The following RXFP1 variants were observed in gnomAD, a reference collection of about 807,000 sequenced individuals.
RXFP1 encodes relaxin receptor 1.
A neutral mutation model predicts 89.8 loss-of-function variants in RXFP1; 73 were observed. The ratio of observed to expected loss-of-function variants is 0.81; its 90% CI spans 0.67 to 0.99. The LOEUF (loss-of-function observed/expected upper bound fraction) is 0.99, where lower values mean the gene tolerates loss of function less well. Among genes scored for constraint, RXFP1 ranks in the 50% least tolerant of loss-of-function variants. RXFP1 has a pLI of 0.00. For missense variants in RXFP1, 793 were observed against 895.5 expected (o/e 0.89, Z 1.46); for synonymous variants, 277 against 305.5 (o/e 0.91, Z 0.97).
Position 158,551,355 on chromosome 4 carries a change from C to G in RXFP1, c.50-21343C>G, listed in dbSNP as rs1750067999. On this transcript the variant is annotated intron_variant, in intron 1 of 17. Coordinates refer to ENST00000307765, the MANE Select transcript of RXFP1 (RefSeq NM_021634.4). Reference sequence around the variant, plus strand: ...GCCAAAAAATGTGAGGTTTCTTACACTTCTCTTTGTTGAAGGACCAAGCAA... The same window carrying G: ...GCCAAAAAATGTGAGGTTTCTTACAGTTCTCTTTGTTGAAGGACCAAGCAA... Among the ~76,000 whole-genome samples the G allele has an allele frequency of 2.0e-5, 3 of 152,132 alleles. No individual in the cohort carries two copies. In the East Asian group the frequency reaches 5.8e-4, roughly 29 times the overall value.
chr4:158,572,000 C>T (rs1701703105), intron 1 of RXFP1, among the ~76,000 whole-genome samples: 2 of 152,092 alleles, frequency 1.3e-5, no homozygotes, highest in African/African-American at 4.8e-5. Context: ...GGTGGGAGGG[C>T]CAGTCTTTTA....
intron 4 of RXFP1, 111 bp downstream of exon 4, chr4:158,599,542 C>G: frequency 1.1e-6 from 1 of 881,456 alleles, no homozygotes; most frequent in Non-Finnish European, 1.7e-6. Context: ...AAGATGATGT[C>G]ATTTTTCCTG....
chr4:158,546,085 T>C (rs1247674371), intron 1 of RXFP1, among the ~76,000 whole-genome samples: 1 of 152,192 alleles, frequency 6.6e-6, no homozygotes, highest in African/African-American at 2.4e-5. Flanking sequence ...TCCATGAGCA[T>C]GGAATGTTCT....
intron 1 of RXFP1, among the ~76,000 whole-genome samples, chr4:158,549,712 C>G (rs1749568732): frequency 6.6e-6 from 1 of 152,168 alleles, no homozygotes; most frequent in Non-Finnish European, 1.5e-5. Flanking sequence ...TGCTAGAGGT[C>G]CACTCCAGAC....
At chr4:158,649,445 T>C (rs909321756) in intron 17 of RXFP1, among the ~76,000 whole-genome samples, 1 of 152,050 alleles carries the variant, frequency 6.6e-6, no homozygotes, top group African/African-American at 2.4e-5. Flanking sequence ...GCAAACATTC[T>C]TGGCATTTAG....
At chr4:158,554,552 G>C (rs573410422) in intron 1 of RXFP1, among the ~76,000 whole-genome samples, 19 of 151,948 alleles carry the variant, frequency 1.3e-4, no homozygotes, top group African/African-American at 4.6e-4. Context: ...TTATATCAGT[G>C]GATATAGATC....
At chr4:158,560,077 A>T (rs1181280710) in intron 1 of RXFP1, among the ~76,000 whole-genome samples, 1 of 152,228 alleles carries the variant, frequency 6.6e-6, no homozygotes, top group Non-Finnish European at 1.5e-5. Context: ...AGCTGCATGG[A>T]TGTGACTAAC....
chr4:158,596,135 T>G (rs771428886), intron 3 of RXFP1, among the ~76,000 whole-genome samples: 4 of 151,840 alleles, frequency 2.6e-5, no homozygotes, highest in Non-Finnish European at 5.9e-5. Context: ...CAGCTAAAAG[T>G]TTTTGGGAAA....
At chr4:158,550,971 C>G (rs1002248353) in intron 1 of RXFP1, among the ~76,000 whole-genome samples, 1 of 151,546 alleles carries the variant, frequency 6.6e-6, no homozygotes, top group Non-Finnish European at 1.5e-5. Context: ...ATTAAATGCT[C>G]TAAAACATGA....
chr4:158,632,696 T>C (rs1351738327), intron 11 of RXFP1, among the ~76,000 whole-genome samples: 3 of 152,148 alleles, frequency 2.0e-5, no homozygotes, highest in African/African-American at 7.2e-5. Context: ...AGCCTGTGTA[T>C]ATCAGCTGTG....
At chr4:158,616,736 C>T (rs531178637) in intron 8 of RXFP1, among the ~76,000 whole-genome samples, 11 of 150,976 alleles carry the variant, frequency 7.3e-5, no homozygotes, top group South Asian at 4.2e-4. Context: ...TGGTGGCTCA[C>T]GCCTGCAATC....
chr4:158,526,388 G>A (rs1267459293), intron 1 of RXFP1, among the ~76,000 whole-genome samples: 1 of 152,126 alleles, frequency 6.6e-6, no homozygotes, highest in East Asian at 1.9e-4. Flanking sequence ...CTGCCTATGT[G>A]TAGTGATCCC....
intron 16 of RXFP1, 72 bp from the exon 17 acceptor site, chr4:158,648,427 G>C: frequency 4.5e-6 from 4 of 893,886 alleles, no homozygotes; most frequent in South Asian, 4.3e-5. Flanking sequence ...TAATAAAAAT[G>C]TTTTATTTAT....
chr4:158,579,440 G>A (rs985045971), intron 2 of RXFP1, among the ~76,000 whole-genome samples: 2 of 152,122 alleles, frequency 1.3e-5, no homozygotes, highest in African/African-American at 4.8e-5. Flanking sequence ...GCTAATTTTT[G>A]TATTTAATAG....
intron 1 of RXFP1, among the ~76,000 whole-genome samples, chr4:158,571,676 A>G (rs1755098129): frequency 6.6e-6 from 1 of 151,694 alleles, no homozygotes; most frequent in South Asian, 2.1e-4. Context: ...AAGAAAAAAG[A>G]AAAAAAAATA....
chr4:158,538,630 A>G (rs1275946588), intron 1 of RXFP1, among the ~76,000 whole-genome samples: 2 of 152,144 alleles, frequency 1.3e-5, no homozygotes, highest in Non-Finnish European at 2.9e-5. Flanking sequence ...CCTGACCAAC[A>G]TGGAGAAACC....
chr4:158,584,773 G>C (rs1339969546), intron 2 of RXFP1, among the ~76,000 whole-genome samples: 1 of 152,164 alleles, frequency 6.6e-6, no homozygotes, highest in Non-Finnish European at 1.5e-5. Context: ...AATCTAATAA[G>C]TAGGAGTAAA....
intron 9 of RXFP1, among the ~76,000 whole-genome samples, chr4:158,623,103 T>A (rs1401654668): frequency 6.6e-6 from 1 of 152,134 alleles, no homozygotes; most frequent in Non-Finnish European, 1.5e-5. Context: ...TAACTGCCAA[T>A]GTCCAATAAA....
intron 4 of RXFP1, among the ~76,000 whole-genome samples, chr4:158,604,831 A>AT (rs1004669000): frequency 3.9e-5 from 6 of 152,300 alleles, no homozygotes; most frequent in Admixed American, 2.0e-4. Flanking sequence ...ATTTTTTAAC[A>AT]TTTTTTGTCA....
Sources: allele counts gnomAD v4.1 joint callset (sites outside exome capture counted in the v4.1 genomes callset), GRCh38; gene constraint gnomAD v4.1.1; transcripts MANE v1.5; gene names NCBI Gene and HGNC (gene_info 2026-07-23, HGNC 2026-07-21).